The following LHFPL3 variants were observed in gnomAD, a reference collection of about 807,000 sequenced individuals.
LHFPL3 encodes the protein LHFPL tetraspan subfamily member 3.
LHFPL3 carries 5 observed loss-of-function variants against 19.3 expected under a neutral mutation model. The observed-to-expected ratio is 0.26, with a 90% confidence interval of 0.14 to 0.54. LHFPL3 has a LOEUF of 0.54. LHFPL3 is among the 20% of genes least tolerant of loss of function. The pLI is 0.94. For missense variants in LHFPL3, 249 were observed against 307.4 expected, an observed-to-expected ratio of 0.81 and a Z score of 1.42; for synonymous variants, 133 against 126.2, an observed-to-expected ratio of 1.05 and a Z score of -0.36.
chr7:104,836,769 G>A (rs1346517414), intron 2 of LHFPL3, among the ~76,000 whole-genome samples: 4 of 152,140 alleles, frequency 2.6e-5, no homozygotes, highest in African/African-American at 7.2e-5. Flanking sequence ...GTTAACTTTT[G>A]GGGTGTACAA....
chr7:104,816,413 G>A (rs975147095), intron 2 of LHFPL3, among the ~76,000 whole-genome samples: 1 of 152,124 alleles, frequency 6.6e-6, no homozygotes, highest in Admixed American at 6.5e-5. Context: ...CTTCATAAAA[G>A]GATGCATTTA....
At chr7:104,668,916 T>C (rs1792417887) in intron 1 of LHFPL3, 1 of 1,612,340 alleles carries the variant, frequency 6.2e-7, no homozygotes, top group Non-Finnish European at 8.5e-7. Flanking sequence ...GTCAGCTGGA[T>C]GGGCCAAAAC....
At chr7:104,474,547 G>A (rs1209873232) in intron 1 of LHFPL3, among the ~76,000 whole-genome samples, 1 of 151,814 alleles carries the variant, frequency 6.6e-6, no homozygotes, top group Non-Finnish European at 1.5e-5. Flanking sequence ...GGTGCCTGAA[G>A]TCCCAGCTAC....
rs554804094 is a variant in LHFPL3, at chr7:104,874,136, T to C, written c.683-32051T>C. 6.6e-5 allele frequency among the ~76,000 whole-genome samples: 10 copies of C among 152,362 alleles called. No homozygotes were observed. The East Asian group carries it at 1.9e-3, about 29-fold the overall frequency. ...CTGGCAGCTGCTCTAATCTCATTTCTCTAATTCTACTTATTATTAGAATGT... is the reference window on the plus strand; with the variant it reads ...CTGGCAGCTGCTCTAATCTCATTTCCCTAATTCTACTTATTATTAGAATGT... On this transcript the variant is annotated intron_variant, in intron 2 of 2. Transcript: ENST00000424859.
chr7:104,509,300 G>T (rs1793764451), intron 1 of LHFPL3, among the ~76,000 whole-genome samples: 1 of 151,478 alleles, frequency 6.6e-6, no homozygotes, highest in Non-Finnish European at 1.5e-5. Context: ...AGAAACTATG[G>T]ACCAACACTT....
chr7:104,455,513 G>A (rs57031157), intron 1 of LHFPL3, among the ~76,000 whole-genome samples: 1 of 152,156 alleles, frequency 6.6e-6, no homozygotes. Context: ...CTGAGGTCAA[G>A]AGTTTGAAAC....
At chr7:104,670,974 A>T (rs1026596753) in intron 1 of LHFPL3, among the ~76,000 whole-genome samples, 1 of 151,550 alleles carries the variant, frequency 6.6e-6, no homozygotes, top group Non-Finnish European at 1.5e-5. Flanking sequence ...GCCTGCCTTT[A>T]TATGCATTTT....
intron 2 of LHFPL3, chr7:104,785,169 T>G (rs1004615501): frequency 2.0e-5 from 3 of 152,164 alleles, no homozygotes; most frequent in Non-Finnish European, 4.4e-5. Context: ...CTGTCTCCCT[T>G]GCCACTCTGT....
Position 104,392,399 on chromosome 7 carries a change from C to T in LHFPL3, c.445+63175C>T, listed in dbSNP as rs573514765. On this transcript the variant is annotated intron_variant, in intron 1 of 2. Transcript: ENST00000424859. ...TATTGAGAGTTTTTAGCATGAAGGG[C>T]TGTTGAATTTTGTCAAAGGCCTTTT... Among the ~76,000 whole-genome samples the T allele has an allele frequency of 4.8e-3, 728 of 151,562 alleles. 2 individuals are homozygous for T. The highest frequency in any genetic ancestry group is 0.014 in the Middle Eastern group (4 of 294).
chr7:104,415,470 C>T (rs898880900), intron 1 of LHFPL3, among the ~76,000 whole-genome samples: 5 of 151,980 alleles, frequency 3.3e-5, no homozygotes, highest in African/African-American at 1.2e-4. Context: ...TGTTTCTTTC[C>T]TTCCCATCCC....
intron 1 of LHFPL3, among the ~76,000 whole-genome samples, chr7:104,503,399 TTCTG>T (rs1330348840): frequency 6.6e-6 from 1 of 152,182 alleles, no homozygotes; most frequent in Non-Finnish European, 1.5e-5. Context: ...ATATTTTTCT[TTCTG>T]CTCACCTGTA....
chr7:104,499,676 G>T (rs1584362065), intron 1 of LHFPL3, among the ~76,000 whole-genome samples: 1 of 152,180 alleles, frequency 6.6e-6, no homozygotes, highest in Non-Finnish European at 1.5e-5. Context: ...GTAATAAGAT[G>T]AATTAGCTCA....
At chr7:104,682,276 G>A (rs1377767020) in intron 1 of LHFPL3, among the ~76,000 whole-genome samples, 4 of 152,096 alleles carry the variant, frequency 2.6e-5, no homozygotes, top group African/African-American at 9.7e-5. Flanking sequence ...TTGGACAAAA[G>A]ACCGTCCCTC....
At chr7:104,645,654 CT>C (rs869151153) in intron 1 of LHFPL3, among the ~76,000 whole-genome samples, 4 of 81,630 alleles carry the variant, frequency 4.9e-5, no homozygotes, top group Middle Eastern at 0.016. Flanking sequence ...ATTGGGTTTT[CT>C]TTTTTTTTTT....
chr7:104,522,772 A>G (rs1310606051), intron 1 of LHFPL3, among the ~76,000 whole-genome samples: 4 of 152,182 alleles, frequency 2.6e-5, no homozygotes, highest in Non-Finnish European at 4.4e-5. Flanking sequence ...GGGAAGGCTC[A>G]CAGCATGGTG....
chr7:104,797,749 T>C (rs921358521), intron 2 of LHFPL3, among the ~76,000 whole-genome samples: 1 of 110,188 alleles, frequency 9.1e-6, no homozygotes, highest in Non-Finnish European at 2.0e-5. Context: ...ACCCCATCTC[T>C]ACAAAAAAAA....
At chr7:104,846,716 C>T (rs984471850) in intron 2 of LHFPL3, among the ~76,000 whole-genome samples, 3 of 152,138 alleles carry the variant, frequency 2.0e-5, no homozygotes, top group African/African-American at 4.8e-5. Flanking sequence ...CCAGGAGAGC[C>T]TTTTAAAAGT....
At chr7:104,787,907 C>T (rs1280335697) in intron 2 of LHFPL3, among the ~76,000 whole-genome samples, 3 of 152,120 alleles carry the variant, frequency 2.0e-5, no homozygotes, top group African/African-American at 7.2e-5. Flanking sequence ...TCCCAAGGCC[C>T]ACCCCCTAAT....
chr7:104,807,290 CAG>C (rs1790380655), intron 2 of LHFPL3, among the ~76,000 whole-genome samples: 1 of 152,030 alleles, frequency 6.6e-6, no homozygotes, highest in South Asian at 2.1e-4. Flanking sequence ...CAAGGAATGC[CAG>C]AGAGTGCCAG....
Sources: gnomAD v4.1 joint callset for allele counts (sites outside exome capture counted in the v4.1 genomes callset) on GRCh38, gnomAD v4.1.1 for gene constraint, MANE v1.5 for transcripts, NCBI Gene and HGNC (gene_info 2026-07-23, HGNC 2026-07-21) for gene names.